The following LMO7 variants were observed in gnomAD, a reference collection of about 807,000 sequenced individuals.
LMO7 encodes LIM domain 7.
Under a neutral mutation model 206.5 loss-of-function variants are expected in LMO7, and 120 were observed. The ratio of observed to expected loss-of-function variants is 0.58; its 90% CI spans 0.50 to 0.68. The LOEUF is 0.68. Ranked by LOEUF, LMO7 falls within the 30% of genes least tolerant of loss-of-function variation. LMO7 has a pLI of 0.00. For synonymous variants in LMO7, 706 were observed against 681.5 expected (o/e 1.04, Z -0.56); for missense variants, 1,959 against 1,957.9 (o/e 1.00, Z -0.01).
intron 26 of LMO7, among the ~76,000 whole-genome samples, chr13:75,848,043 T>G (rs1226463570): frequency 1.3e-5 from 2 of 152,242 alleles, no homozygotes; most frequent in Non-Finnish European, 2.9e-5. Flanking sequence ...TCTGTCATTT[T>G]GTATTTGTAT....
chr13:75,764,007 C>T (rs1369748045), intron 4 of LMO7, among the ~76,000 whole-genome samples: 2 of 152,032 alleles, frequency 1.3e-5, no homozygotes, highest in Non-Finnish European at 2.9e-5. Flanking sequence ...GTAAATTATC[C>T]TCTTATGTGT....
chr13:75,771,212 T>G (rs1348843247), intron 4 of LMO7, among the ~76,000 whole-genome samples: 2 of 152,114 alleles, frequency 1.3e-5, no homozygotes, highest in Non-Finnish European at 2.9e-5. Flanking sequence ...GATCATTTAT[T>G]TGATTTTTTT....
At chr13:75,653,708 A>G (rs1016792494) in intron 1 of LMO7, among the ~76,000 whole-genome samples, 3 of 152,202 alleles carry the variant, frequency 2.0e-5, no homozygotes, top group African/African-American at 7.2e-5. Flanking sequence ...TGGCTCAGGT[A>G]TTTTGCAGTT....
chr13:75,697,822 T>A (rs1353336061), intron 1 of LMO7, among the ~76,000 whole-genome samples: 1 of 152,236 alleles, frequency 6.6e-6, no homozygotes, highest in Non-Finnish European at 1.5e-5. Flanking sequence ...ATTGTAGAGC[T>A]GTCAGTGTAT....
chr13:75,740,467 C>T (rs1403936361), intron 3 of LMO7, among the ~76,000 whole-genome samples: 1 of 151,992 alleles, frequency 6.6e-6, no homozygotes, highest in Non-Finnish European at 1.5e-5. Context: ...CAATAAATAA[C>T]GTAAATTAAA....
At chr13:75,848,737 T>C (rs1249883962) in intron 26 of LMO7, among the ~76,000 whole-genome samples, 1 of 152,230 alleles carries the variant, frequency 6.6e-6, no homozygotes, top group Non-Finnish European at 1.5e-5. Flanking sequence ...AGTATCTTTT[T>C]CATATAATGA....
chr13:75,636,677 C>T lies in LMO7; in HGVS notation c.20C>T (p.Ala7Val), dbSNP rs779462944. 25 of 1,608,656 alleles carry T rather than the reference C, an allele frequency of 1.6e-5. No homozygotes were observed. Among genetic ancestry groups the T allele is most frequent in the Non-Finnish European group, 2.0e-5 (24 of 1,178,320 alleles). ...CTAGCCATGGAAGGGCTGGAGGAGG[C>T]AGAGGCCAACTGCTCCGTGGCGTTC... is the stretch of plus-strand genomic sequence containing the variant. MEGLEE[A>V]EANCSVAFAE... Residue 7 changes from alanine to valine, a missense_variant, in exon 1 of 31, where the codon GCA becomes GTA. By Grantham distance (64) the Ala-to-Val change is moderately conservative. Coordinates refer to ENST00000377534, the MANE Select transcript of LMO7 (RefSeq NM_001306080.2).
chr13:75,626,595 A>ATATATATATATATATATTTTTT, intron 2 of LMO7, among the ~76,000 whole-genome samples: 1 of 71,098 alleles, frequency 1.4e-5, no homozygotes, highest in Non-Finnish European at 3.6e-5. Flanking sequence ...ATATATATAA[A>ATATATATATATATATATTTTTT]TTTTTTTGAG....
intron 3 of LMO7, among the ~76,000 whole-genome samples, chr13:75,739,615 T>C (rs1235155126): frequency 6.6e-6 from 1 of 152,258 alleles, no homozygotes; most frequent in Non-Finnish European, 1.5e-5. Flanking sequence ...AAATTACTTC[T>C]GACTCTTTCA....
At chr13:75,805,320 T>G (rs1310363485) in intron 8 of LMO7, 159 bp from the exon 9 acceptor site, 3 of 943,836 alleles carry the variant, frequency 3.2e-6, no homozygotes, top group Non-Finnish European at 4.6e-6. Flanking sequence ...GAGATGCTGT[T>G]ATAATAACTT....
chr13:75,823,999 T>G, intron 15 of LMO7, 126 bp downstream of exon 15: 1 of 737,748 alleles, frequency 1.4e-6, no homozygotes, highest in East Asian at 2.7e-5. Flanking sequence ...AATGATATTC[T>G]GGTTTACTTT....
chr13:75,779,196 GATGC>G (rs2050945770), intron 4 of LMO7, among the ~76,000 whole-genome samples: 1 of 152,082 alleles, frequency 6.6e-6, no homozygotes, highest in Non-Finnish European at 1.5e-5. Flanking sequence ...AGGATTAGGT[GATGC>G]ATGCACTTAA....
intron 4 of LMO7, among the ~76,000 whole-genome samples, chr13:75,766,469 T>C (rs974194849): frequency 2.0e-5 from 3 of 151,792 alleles, no homozygotes; most frequent in Non-Finnish European, 4.4e-5. Flanking sequence ...TTGTTTGTTA[T>C]ATAATGAGCA....
At chr13:75,832,891 G>C (rs1463567172) in intron 15 of LMO7, among the ~76,000 whole-genome samples, 160 bp from the exon 16 acceptor site, 1 of 152,118 alleles carries the variant, frequency 6.6e-6, no homozygotes, top group Non-Finnish European at 1.5e-5. Flanking sequence ...TTATATAAAT[G>C]AAAGTTTTAC....
In LMO7 at chr13:75,808,288, C is replaced by G. The variant is rs963318972; in HGVS notation, c.1916+89C>G. The G allele has an allele frequency of 5.1e-6, 7 of 1,383,438 alleles. No homozygotes were observed. The African/African-American group carries it at 8.7e-5, about 17-fold the overall frequency. The allele number at this position is 1,383,438 out of a possible 1,614,324, so 85.7% of individuals were successfully genotyped here. A position where few individuals can be genotyped will look rare whatever the true frequency, so the allele number is the denominator to read the frequency against. ...CGAGAAAGCAGCTCATCGTGTTGCT[C>G]AACTCTGCATGTCGCGTGCCATTTT... On this transcript the variant is annotated intron_variant, in intron 10 of 30. Coordinates refer to ENST00000377534, the MANE Select transcript of LMO7 (RefSeq NM_001306080.2).
rs759513704 is a variant in LMO7 at position 75,853,086 on chromosome 13, T to A, written c.4365-6T>A. On this transcript the variant is annotated splice_polypyrimidine_tract_variant and splice_region_variant and intron_variant, in intron 27 of 30. Transcript: ENST00000377534. ...ATTATTTTGATGAGTCTTTTTTGTG[T>A]TTCAGAGGCGAATCTTTAGATAACC... is the stretch of plus-strand genomic sequence containing the variant. The A allele has an allele frequency of 6.3e-7, 1 of 1,586,544 alleles. No homozygotes were observed. Among genetic ancestry groups the A allele is most frequent in the Admixed American group, 1.8e-5 (1 of 56,902 alleles).
At chr13:75,713,063 T>C in intron 1 of LMO7, 119 bp from the exon 2 acceptor site, 1 of 574,108 alleles carries the variant, frequency 1.7e-6, no homozygotes, top group Non-Finnish European at 3.0e-6. Flanking sequence ...GATATAACAG[T>C]CTATATATGC....
chr13:75,853,337 C>A lies in LMO7; in HGVS notation c.4610C>A (p.Pro1537Gln). 6.2e-7 allele frequency: 1 copy of A among 1,613,140 alleles called. No individual in the cohort carries two copies. Among genetic ancestry groups the A allele is most frequent in the South Asian group, 1.1e-5 (1 of 90,926 alleles). ...TGVATTQSPT[P>Q]RSHSPSASQS... ...GTGGCCACCACACAGTCCCCCACCC[C>A]GAGAAGCCATTCCCCTTCAGCTTCA... Residue 1537 changes from proline (P) to glutamine (Q), a missense_variant, in exon 28 of 31, where the codon CCG becomes CAG. By Grantham distance (76) the Pro-to-Gln change is moderately conservative. Coordinates refer to ENST00000377534, the MANE Select transcript of LMO7 (RefSeq NM_001306080.2).
chr13:75,701,804 G>A (rs1481184434), intron 1 of LMO7, among the ~76,000 whole-genome samples: 2 of 152,138 alleles, frequency 1.3e-5, no homozygotes, highest in Non-Finnish European at 2.9e-5. Context: ...ATGAAGCATA[G>A]GCTGTAAAAC....
Sources: allele counts gnomAD v4.1 joint callset (sites outside exome capture counted in the v4.1 genomes callset), GRCh38; gene constraint gnomAD v4.1.1; transcripts MANE v1.5; gene names NCBI Gene and HGNC (gene_info 2026-07-23, HGNC 2026-07-21).